Variants in SCAI observed in about 807,000 individuals in gnomAD.
SCAI encodes the protein suppressor of cancer cell invasion.
SCAI carries 24 observed loss-of-function variants against 92.2 expected under a neutral mutation model. The ratio of observed to expected loss-of-function variants is 0.26; its 90% CI spans 0.19 to 0.37. The LOEUF is 0.37. Ranked by LOEUF, SCAI falls within the 10% of genes least tolerant of loss-of-function variation. The pLI is 1.00. For synonymous variants in SCAI, 261 were observed against 258.6 expected (o/e 1.01, Z -0.09); for missense variants, 450 against 736.2 (o/e 0.61, Z 4.50).
chr9:125,027,659 T>G lies in SCAI; in HGVS notation c.413+733A>C, dbSNP rs763479853. On this transcript the variant is annotated intron_variant, in intron 5 of 17. Coordinates refer to ENST00000336505, the MANE Select transcript of SCAI (RefSeq NM_001144877.3). ...CCTCAGCCTCCCAAGTAGCTGGGATTACAGGCACCTGCCACCACACTTGGC... is the reference window on the plus strand; with the variant it reads ...CCTCAGCCTCCCAAGTAGCTGGGATGACAGGCACCTGCCACCACACTTGGC... Among the ~76,000 whole-genome samples the G allele has an allele frequency of 4.7e-3, 716 of 152,290 alleles. 3 individuals carry two copies. Among genetic ancestry groups the G allele is most frequent in the Non-Finnish European group, 6.6e-3 (447 of 68,018 alleles).
chr9:125,096,513 G>T (rs902851789), intron 2 of SCAI, among the ~76,000 whole-genome samples: 1 of 152,134 alleles, frequency 6.6e-6, no homozygotes, highest in Non-Finnish European at 1.5e-5. Flanking sequence ...ACAACTCTTA[G>T]GTATAAGCTC....
chr9:125,129,655 G>A (rs970022463), intron 2 of SCAI, among the ~76,000 whole-genome samples: 2 of 150,954 alleles, frequency 1.3e-5, no homozygotes, highest in Non-Finnish European at 3.0e-5. Flanking sequence ...ATAGAGATGG[G>A]GTTTCACCAT....
At chr9:124,977,081 C>T (rs964229265) in intron 14 of SCAI, among the ~76,000 whole-genome samples, 3 of 152,040 alleles carry the variant, frequency 2.0e-5, no homozygotes, top group African/African-American at 4.8e-5. Flanking sequence ...GTTGCCCAGG[C>T]TGGTCTTAAA....
intron 2 of SCAI, among the ~76,000 whole-genome samples, chr9:125,130,590 T>C (rs1835377365): frequency 6.6e-6 from 1 of 152,050 alleles, no homozygotes; most frequent in Admixed American, 6.6e-5. Flanking sequence ...CTCAGTTCAC[T>C]GCAACCTCTA....
intron 13 of SCAI, among the ~76,000 whole-genome samples, chr9:124,997,875 C>CAAAAA (rs35502581): frequency 1.8e-5 from 2 of 111,126 alleles, no homozygotes; most frequent in Non-Finnish European, 3.8e-5. Context: ...AACTCTGTCT[C>CAAAAA]AAAAAAAAAA....
At chr9:125,039,385 C>CAAAAAA (rs58716034) in intron 3 of SCAI, among the ~76,000 whole-genome samples, 13 of 48,058 alleles carry the variant, frequency 2.7e-4, no homozygotes, top group Non-Finnish European at 2.9e-4. Context: ...GACTCCATCT[C>CAAAAAA]AAAAAAAAAA....
intron 2 of SCAI, among the ~76,000 whole-genome samples, chr9:125,092,047 G>A (rs112292336): frequency 0.014 from 2,112 of 147,270 alleles, 58 homozygotes; most frequent in African/African-American, 0.049. Flanking sequence ...GGAGAATGGC[G>A]TGAACCCAGG....
chr9:125,074,026 G>T (rs1029486781), intron 2 of SCAI, among the ~76,000 whole-genome samples: 1 of 151,300 alleles, frequency 6.6e-6, no homozygotes, highest in Non-Finnish European at 1.5e-5. Context: ...TTGGGAGGCC[G>T]AGGTGGGCAG....
intron 15 of SCAI, among the ~76,000 whole-genome samples, chr9:124,972,448 T>C (rs1258028586): frequency 2.6e-5 from 4 of 152,182 alleles, no homozygotes; most frequent in Non-Finnish European, 4.4e-5. Context: ...ACTAAAAATG[T>C]GACTAGATGA....
chr9:124,981,648 T>C (rs1440239072), intron 14 of SCAI, among the ~76,000 whole-genome samples: 1 of 151,994 alleles, frequency 6.6e-6, no homozygotes, highest in African/African-American at 2.4e-5. Flanking sequence ...TAGTTTATAG[T>C]ATTAAATTTT....
At position 125,066,695 on chromosome 9, in the gene SCAI, C is replaced by T. The variant is rs138203639; in HGVS notation, c.99-10688G>A. ...GTCTCGATCTCCTGACCTCGTGATC[C>T]GCCTGCCTCGGCCTCCCAAAGTGCT... On this transcript the variant is annotated intron_variant, in intron 2 of 17. Coordinates refer to ENST00000336505, the MANE Select transcript of SCAI (RefSeq NM_001144877.3). Among the ~76,000 whole-genome samples the T allele has an allele frequency of 8.0e-3, 1,221 of 152,130 alleles. 21 individuals are homozygous for T. Among genetic ancestry groups the T allele is most frequent in the African/African-American group, 0.028 (1,143 of 41,526 alleles).
At chr9:125,128,173 AC>A (rs1247884121) in intron 2 of SCAI, among the ~76,000 whole-genome samples, 2 of 152,058 alleles carry the variant, frequency 1.3e-5, no homozygotes, top group Non-Finnish European at 2.9e-5. Context: ...AAAATAAAAA[AC>A]CTGCCGGGCA....
chr9:124,981,629 C>G (rs1248765927), intron 14 of SCAI, among the ~76,000 whole-genome samples: 4 of 151,958 alleles, frequency 2.6e-5, no homozygotes, highest in Admixed American at 2.6e-4. Flanking sequence ...CTTATTTATC[C>G]TATCGACATA....
At chr9:125,053,288 C>T (rs1471993159) in intron 3 of SCAI, among the ~76,000 whole-genome samples, 2 of 152,056 alleles carry the variant, frequency 1.3e-5, no homozygotes, top group Non-Finnish European at 2.9e-5. Flanking sequence ...AAGCCAAAAT[C>T]GTGTCATTGC....
At chr9:125,092,409 C>T (rs916277936) in intron 2 of SCAI, among the ~76,000 whole-genome samples, 1 of 152,160 alleles carries the variant, frequency 6.6e-6, no homozygotes, top group African/African-American at 2.4e-5. Context: ...GCCAAGATCA[C>T]GCCACTACAC....
At chr9:125,122,923 G>T (rs1485698890) in intron 2 of SCAI, among the ~76,000 whole-genome samples, 2 of 152,056 alleles carry the variant, frequency 1.3e-5, no homozygotes. Context: ...AAATAAATTA[G>T]TAAAATTTTA....
intron 9 of SCAI, among the ~76,000 whole-genome samples, chr9:125,009,546 C>T (rs867839029): frequency 9.2e-5 from 14 of 152,204 alleles, no homozygotes; most frequent in Middle Eastern, 3.4e-3. Context: ...GCATGAGCCA[C>T]CATGCCCAAA....
intron 7 of SCAI, among the ~76,000 whole-genome samples, chr9:125,019,757 C>T (rs1248797430): frequency 6.6e-6 from 1 of 151,946 alleles, no homozygotes; most frequent in Non-Finnish European, 1.5e-5. Flanking sequence ...GAACAGAGAG[C>T]TACTTCTGGT....
intron 2 of SCAI, among the ~76,000 whole-genome samples, chr9:125,095,918 T>G (rs982092187): frequency 6.6e-6 from 1 of 152,142 alleles, no homozygotes; most frequent in Admixed American, 6.5e-5. Context: ...CCCCAATCTT[T>G]TTAAAATCTC....
Sources: gnomAD v4.1 joint callset for allele counts (sites outside exome capture counted in the v4.1 genomes callset) on GRCh38, gnomAD v4.1.1 for gene constraint, MANE v1.5 for transcripts, NCBI Gene and HGNC (gene_info 2026-07-23, HGNC 2026-07-21) for gene names.